SP4: variants seen among roughly 807,000 people sequenced by gnomAD.
SP4 encodes transcription factor Sp4.
Under a neutral mutation model 72.8 loss-of-function variants are expected in SP4, and 19 were observed. The observed-to-expected ratio is 0.26, with a 90% CI of 0.18 to 0.38. The LOEUF is 0.38. Among genes scored for constraint, SP4 ranks in the 10% least tolerant of loss-of-function variants. SP4 has a pLI of 1.00. For missense variants in SP4, 1,008 were observed against 926.3 expected (o/e 1.09, Z -1.14); for synonymous variants, 395 against 333.1 (o/e 1.19, Z -2.02).
chr7:21,489,942 T>G (rs1265298280), intron 5 of SP4, among the ~76,000 whole-genome samples: 1 of 152,150 alleles, frequency 6.6e-6, no homozygotes, highest in Non-Finnish European at 1.5e-5. Context: ...TGAGCCACAG[T>G]GCCCAGCCCC....
At chr7:21,468,711 T>G (rs1298388943) in intron 3 of SP4, among the ~76,000 whole-genome samples, 1 of 152,100 alleles carries the variant, frequency 6.6e-6, no homozygotes, top group Admixed American at 6.5e-5. Context: ...TACTTCCTTT[T>G]AAGTCTTTAT....
intron 5 of SP4, among the ~76,000 whole-genome samples, chr7:21,507,886 C>CGTGA (rs905272404): frequency 5.3e-5 from 8 of 152,086 alleles, no homozygotes; most frequent in Admixed American, 4.6e-4. Flanking sequence ...ATTCTCCTCA[C>CGTGA]GGGAGAACGG....
chr7:21,501,523 A>G (rs765086327), intron 5 of SP4, among the ~76,000 whole-genome samples: 48 of 152,050 alleles, frequency 3.2e-4, no homozygotes, highest in Non-Finnish European at 6.0e-4. Context: ...AGCTGTTTTA[A>G]TCTCTGTGCT....
At chr7:21,441,632 G>C (rs1390378527) in intron 3 of SP4, among the ~76,000 whole-genome samples, 26 of 152,184 alleles carry the variant, frequency 1.7e-4, no homozygotes, top group Non-Finnish European at 2.9e-5. Context: ...AGAAAAGTTA[G>C]AAAGCAGGAG....
chr7:21,462,574 C>T (rs1183260549), intron 3 of SP4, among the ~76,000 whole-genome samples: 1 of 151,796 alleles, frequency 6.6e-6, no homozygotes, highest in Non-Finnish European at 1.5e-5. Context: ...TAGTTTGTAT[C>T]TGGAGATTGG....
chr7:21,433,542 A>G (rs1237433137), intron 3 of SP4, among the ~76,000 whole-genome samples: 1 of 152,244 alleles, frequency 6.6e-6, no homozygotes, highest in African/African-American at 2.4e-5. Context: ...AAGATGATGG[A>G]GAAAATAGCA....
chr7:21,447,560 G>A (rs902714942), intron 3 of SP4, among the ~76,000 whole-genome samples: 1 of 152,208 alleles, frequency 6.6e-6, no homozygotes, highest in Non-Finnish European at 1.5e-5. Flanking sequence ...TTAGAACAGT[G>A]GAAACTATTT....
rs757570794 is a variant in SP4 at position 21,481,896 on chromosome 7, A to G, written c.1908-28A>G. 2.6e-6 allele frequency: 4 copies of G among 1,523,194 alleles called. No homozygotes were observed. In the East Asian group the frequency reaches 9.0e-5, roughly 34 times the overall value. 94.4% of individuals were successfully genotyped at this position (1,523,194 alleles called of 1,614,324 possible). ...TGTAAACCTACTATTTGGCAGTGTA[A>G]TTAATGTTCGGTTTTTGTTTTTGCT... On this transcript the variant is annotated intron_variant, in intron 4 of 5. Transcript: ENST00000222584.
chr7:21,428,277 C>G lies in SP4; in HGVS notation c.7+19C>G, dbSNP rs541648717. 6.2e-6 allele frequency: 9 copies of G among 1,452,812 alleles called. No individual in the cohort carries two copies. The highest frequency in any genetic ancestry group is 2.5e-5 in the East Asian group (1 of 40,506). 90.0% of individuals were successfully genotyped at this position (1,452,812 alleles called of 1,614,324 possible). On this transcript the variant is annotated intron_variant, in intron 1 of 5. Transcript: ENST00000222584. ...ATGAGCGGTACGTATTCTCCACCCC[C>G]CTCAGTCTCCTTCGCCGCCTCCCTC...
intron 5 of SP4, chr7:21,482,679 T>C: frequency 4.1e-6 from 4 of 983,362 alleles, no homozygotes; most frequent in Non-Finnish European, 4.8e-6. Flanking sequence ...GCTATAAATC[T>C]AATGTGTCTA....
In SP4 at chr7:21,428,213, C is replaced by A; in HGVS notation, c.-39C>A. 1.9e-6 allele frequency: 2 copies of A among 1,035,718 alleles called. No homozygotes were observed. The highest frequency in any genetic ancestry group is 1.3e-5 in the South Asian group (1 of 75,462). 64.2% of individuals were successfully genotyped at this position (1,035,718 alleles called of 1,614,324 possible). A position where few individuals can be genotyped will look rare whatever the true frequency, so the allele number is the denominator to read the frequency against. On this transcript the variant is annotated 5_prime_UTR_variant, in exon 1 of 6. Transcript: ENST00000222584. ...GCCCCCACCCCCACCCACCTCTATCCCAGTGTCTCCGTCTGAGGGTTTGTC... is the reference window on the plus strand; with the variant it reads ...GCCCCCACCCCCACCCACCTCTATCACAGTGTCTCCGTCTGAGGGTTTGTC...
intron 3 of SP4, among the ~76,000 whole-genome samples, chr7:21,431,501 T>C (rs187855597): frequency 1.5e-4 from 23 of 152,302 alleles, no homozygotes; most frequent in Admixed American, 1.3e-3. Flanking sequence ...ATCATGGTCA[T>C]TGTGTGATTT....
intron 1 of SP4, 36 bp downstream of exon 1, chr7:21,428,294 G>T (rs1434768639): frequency 2.4e-6 from 3 of 1,267,814 alleles, no homozygotes; most frequent in East Asian, 2.6e-5. Flanking sequence ...CTCCTTCGCC[G>T]CCTCCCTCTC....
Position 21,513,183 on chromosome 7 carries a change from G to T in SP4, c.*1914G>T, listed in dbSNP as rs1010930201. 2.6e-5 allele frequency: 4 copies of T among 152,488 alleles called. No individual in the cohort carries two copies. Among genetic ancestry groups the T allele is most frequent in the African/African-American group, 4.8e-5 (2 of 41,390 alleles). The allele number at this position is 152,488 out of a possible 1,614,324, so 9.4% of individuals were successfully genotyped here. A position where few individuals can be genotyped will look rare whatever the true frequency, so the allele number is the denominator to read the frequency against. On this transcript the variant is annotated 3_prime_UTR_variant, in exon 6 of 6. Transcript: ENST00000222584. ...GTATTTTTGATGAAGGAGAAATACTGTAATGATCACTGTTTACACTATGTA... is the reference window on the plus strand; with the variant it reads ...GTATTTTTGATGAAGGAGAAATACTTTAATGATCACTGTTTACACTATGTA...
At chr7:21,509,135 A>G (rs1243035449) in intron 5 of SP4, among the ~76,000 whole-genome samples, 2 of 152,086 alleles carry the variant, frequency 1.3e-5, no homozygotes. Context: ...AATAGTAATG[A>G]TATATATAAT....
At chr7:21,451,085 A>G (rs1231221417) in intron 3 of SP4, among the ~76,000 whole-genome samples, 5 of 152,194 alleles carry the variant, frequency 3.3e-5, no homozygotes, top group Non-Finnish European at 7.4e-5. Flanking sequence ...GTGGCCTGCC[A>G]GCACTTGGGA....
At chr7:21,465,384 T>C (rs576039824) in intron 3 of SP4, among the ~76,000 whole-genome samples, 1 of 151,886 alleles carries the variant, frequency 6.6e-6, no homozygotes, top group Non-Finnish European at 1.5e-5. Context: ...CAGAAAAGAG[T>C]GTAGGGCTCT....
intron 3 of SP4, among the ~76,000 whole-genome samples, chr7:21,464,472 C>T (rs775202818): frequency 3.3e-5 from 5 of 152,062 alleles, no homozygotes; most frequent in African/African-American, 1.2e-4. Flanking sequence ...TCTGCCTCTA[C>T]GTTTTCACAT....
intron 4 of SP4, 62 bp downstream of exon 4, chr7:21,477,369 G>A: frequency 9.8e-7 from 1 of 1,021,092 alleles, no homozygotes; most frequent in Admixed American, 2.0e-5. Flanking sequence ...TTAAAACCAA[G>A]TAATTGGCTG....
Sources: allele counts gnomAD v4.1 joint callset (sites outside exome capture counted in the v4.1 genomes callset), GRCh38; gene constraint gnomAD v4.1.1; transcripts MANE v1.5; gene names NCBI Gene and HGNC (gene_info 2026-07-23, HGNC 2026-07-21).